Variants in HIP1 observed in about 807,000 individuals in gnomAD.
HIP1 encodes huntingtin interacting protein 1.
HIP1 carries 65 observed loss-of-function variants against 147.6 expected under a neutral mutation model. The observed-to-expected ratio is 0.44, with a 90% CI of 0.36 to 0.54. HIP1 has a LOEUF of 0.54. Among genes scored for constraint, HIP1 ranks in the 20% least tolerant of loss-of-function variants. The pLI, the probability that HIP1 is intolerant of heterozygous loss-of-function variation, is 0.00. For synonymous variants in HIP1, 479 were observed against 504.0 expected (o/e 0.95, Z 0.67); for missense variants, 1,061 against 1,299.6 (o/e 0.82, Z 2.82).
rs587714073 is a variant in HIP1 at position 75,586,758 on chromosome 7, T to G, written c.460A>C (p.Thr154Pro). 1 of 1,608,476 alleles carries G rather than the reference T, an allele frequency of 6.2e-7. No individual in the cohort carries two copies. The highest frequency in any genetic ancestry group is 1.1e-5 in the South Asian group (1 of 90,924). The change falls in exon 5 of 31, where the codon ACC becomes CCC. Residue 154 changes from threonine (T) to proline (P), a missense_variant. By Grantham distance (38) the Thr-to-Pro change is conservative. Around this residue, in one of 3 missense-constraint regions of HIP1, gnomAD observed 225 missense variants for 292.9 expected, o/e 0.77. Transcript: ENST00000336926. ...AACTGTCCGCAGAGACTCACTTTGG[T>G]GTGGTACTCCATCTTGGTTCTTAGC... Reference protein sequence around the residue: ...KLLRTKMEYHTKNPRFPGNLQ... With the variant: ...KLLRTKMEYHPKNPRFPGNLQ...
chr7:75,678,360 T>TC (rs372824703), intron 1 of HIP1, among the ~76,000 whole-genome samples: 10,133 of 127,486 alleles, frequency 0.079, 682 homozygotes, highest in Admixed American at 0.17. Context: ...TTTTTTTTTT[T>TC]TGAGACAGCA....
At chr7:75,657,087 G>A (rs541420557) in intron 1 of HIP1, among the ~76,000 whole-genome samples, 2 of 152,278 alleles carry the variant, frequency 1.3e-5, no homozygotes, top group East Asian at 1.9e-4. Flanking sequence ...AAAATAAATC[G>A]TTCTACCGAA....
intron 22 of HIP1, among the ~76,000 whole-genome samples, chr7:75,550,185 A>G (rs1794730503): frequency 6.6e-6 from 1 of 152,206 alleles, no homozygotes; most frequent in Non-Finnish European, 1.5e-5. Context: ...TTAAAACATG[A>G]TGTGTTATAC....
chr7:75,676,496 G>C (rs1227485444), intron 1 of HIP1, among the ~76,000 whole-genome samples: 3 of 152,178 alleles, frequency 2.0e-5, no homozygotes, highest in Non-Finnish European at 2.9e-5. Context: ...GCCCCCTATG[G>C]CCTGGCGCGG....
In HIP1 at chr7:75,551,044, A is replaced by C. The variant is rs1794763153; in HGVS notation, c.2296-2043T>G. ...AGATAATGAGAGAGCAGTGAAAATG[A>C]ATTTATCTTCTTGGATTAATCTCAC... is the stretch of plus-strand genomic sequence containing the variant. On this transcript the variant is annotated intron_variant, in intron 22 of 30. Coordinates refer to ENST00000336926, the MANE Select transcript of HIP1 (RefSeq NM_005338.7). 3.9e-5 allele frequency among the ~76,000 whole-genome samples: 6 copies of C among 152,164 alleles called. No homozygotes were observed. In the South Asian group the frequency reaches 1.2e-3, roughly 32 times the overall value.
chr7:75,564,592 C>A (rs1341108204), intron 9 of HIP1, among the ~76,000 whole-genome samples: 3 of 151,308 alleles, frequency 2.0e-5, no homozygotes, highest in Admixed American at 6.6e-5. Context: ...ATGTGCCCTG[C>A]CTATTTGTAA....
At chr7:75,543,500 C>T (rs1040233038) in intron 27 of HIP1, among the ~76,000 whole-genome samples, 12 of 152,130 alleles carry the variant, frequency 7.9e-5, no homozygotes, top group Admixed American at 2.6e-4. Context: ...TACAAGTGCC[C>T]GCCACCACAC....
At chr7:75,678,685 C>T (rs1799972302) in intron 1 of HIP1, among the ~76,000 whole-genome samples, 2 of 152,276 alleles carry the variant, frequency 1.3e-5, no homozygotes, top group Middle Eastern at 3.4e-3. Context: ...CCAGGCACAG[C>T]TGAAGCTTGT....
At chr7:75,729,300 C>A (rs1801755404) in intron 1 of HIP1, among the ~76,000 whole-genome samples, 1 of 94,556 alleles carries the variant, frequency 1.1e-5, no homozygotes, top group African/African-American at 4.6e-5. Context: ...GAGATCTTGT[C>A]TCTGCAAAAA....
At position 75,547,794 on chromosome 7, in the gene HIP1, C is replaced by T. The variant is rs148673512; in HGVS notation, c.2426G>A (p.Arg809Gln). The change falls in exon 24 of 31, where the codon CGA becomes CAA. Residue 809 changes from arginine to glutamine, a missense_variant. Physicochemically the swap from Arg to Gln is conservative, Grantham distance 43. Around this residue, in one of 3 missense-constraint regions of HIP1, gnomAD observed 810 missense variants for 946.8 expected, o/e 0.86. Transcript: ENST00000336926. ...CAATTTGACTCCTGTGTCTCCTGCT[C>T]GGGATTTGCTGAGCATCTCCTGTGA... ...ARIEEMLSKS[R>Q]AGDTGVKLEV... 6.2e-6 allele frequency: 10 copies of T among 1,613,928 alleles called. No homozygotes were observed. The highest frequency in any genetic ancestry group is 1.7e-5 in the Admixed American group (1 of 59,978).
At chr7:75,715,774 CAA>C (rs34769081) in intron 1 of HIP1, among the ~76,000 whole-genome samples, 16 of 36,712 alleles carry the variant, frequency 4.4e-4, no homozygotes, top group Admixed American at 2.4e-3. Flanking sequence ...GATCCTGTCT[CAA>C]AAAAAAAAAA....
chr7:75,592,204 G>T, intron 3 of HIP1, 92 bp from the exon 4 acceptor site: 2 of 1,412,464 alleles, frequency 1.4e-6, no homozygotes, highest in Non-Finnish European at 2.0e-6. Context: ...TGAACCTAGG[G>T]CAGGGGGACA....
intron 2 of HIP1, among the ~76,000 whole-genome samples, chr7:75,597,344 G>C (rs587637634): frequency 1.3e-5 from 2 of 152,146 alleles, no homozygotes; most frequent in Admixed American, 6.6e-5. Flanking sequence ...AGAAGGCTTC[G>C]GGACAAGCTG....
intron 4 of HIP1, among the ~76,000 whole-genome samples, chr7:75,588,417 C>T (rs782565552): frequency 3.9e-5 from 6 of 152,228 alleles, no homozygotes; most frequent in African/African-American, 1.4e-4. Context: ...TATGAGATGA[C>T]TTTGGTTCAT....
chr7:75,731,681 G>A (rs552984598), intron 1 of HIP1, among the ~76,000 whole-genome samples: 9 of 152,030 alleles, frequency 5.9e-5, no homozygotes, highest in Non-Finnish European at 1.0e-4. Flanking sequence ...CTGAGCATTT[G>A]CATTCCTAAA....
chr7:75,584,942 G>A (rs1484264129), intron 5 of HIP1, among the ~76,000 whole-genome samples: 6 of 149,532 alleles, frequency 4.0e-5, no homozygotes, highest in Non-Finnish European at 8.9e-5. Context: ...TCCGCCTCCT[G>A]GGTTCAAGCC....
chr7:75,565,717 GCCTCC>G (rs1280439900), intron 9 of HIP1, among the ~76,000 whole-genome samples: 1 of 148,294 alleles, frequency 6.7e-6, no homozygotes, highest in African/African-American at 2.5e-5. Context: ...GCCTGGTTTC[GCCTCC>G]CCTCCCCTCC....
intron 8 of HIP1, among the ~76,000 whole-genome samples, chr7:75,572,279 T>C (rs1795669838): frequency 6.7e-6 from 1 of 150,134 alleles, no homozygotes; most frequent in African/African-American, 2.5e-5. Flanking sequence ...ACTTCCAAAC[T>C]ATATATATTC....
intron 8 of HIP1, among the ~76,000 whole-genome samples, chr7:75,570,925 G>C (rs1795605183): frequency 6.6e-6 from 1 of 152,044 alleles, no homozygotes; most frequent in Admixed American, 6.6e-5. Context: ...TAGGAGAATT[G>C]CTTGAACCTG....
Sources: gnomAD v4.1 joint callset for allele counts (sites outside exome capture counted in the v4.1 genomes callset) on GRCh38, gnomAD v4.1.1 for gene constraint, gnomAD v4.1.1 regional missense constraint, MANE v1.5 for transcripts, NCBI Gene and HGNC (gene_info 2026-07-23, HGNC 2026-07-21) for gene names.